HIBCH: variants seen among roughly 807,000 people sequenced by gnomAD.
The protein encoded by HIBCH is 3-hydroxyisobutyryl-CoA hydrolase, mitochondrial.
Under a neutral mutation model 58.2 loss-of-function variants are expected in HIBCH, and 50 were observed. The observed-to-expected ratio is 0.86, with a 90% CI of 0.68 to 1.09. The LOEUF (loss-of-function observed/expected upper bound fraction) is 1.09. Ranked by LOEUF, HIBCH falls within the 50% of genes least tolerant of loss-of-function variation. The pLI is 0.00. For synonymous variants in HIBCH, 151 were observed against 146.9 expected, an observed-to-expected ratio of 1.03 and a Z score of -0.20; for missense variants, 450 against 449.7, an observed-to-expected ratio of 1.00 and a Z score of -0.01.
At chr2:190,196,034 T>C (rs1689958857) in intron 1 of HIBCH, among the ~76,000 whole-genome samples, 1 of 142,118 alleles carries the variant, frequency 7.0e-6, no homozygotes, top group South Asian at 2.3e-4. Context: ...ATTTTTAAAC[T>C]AGTCTGATCA....
intron 6 of HIBCH, among the ~76,000 whole-genome samples, chr2:190,278,515 T>G (rs1687620071): frequency 6.6e-6 from 1 of 152,184 alleles, no homozygotes; most frequent in African/African-American, 2.4e-5. Context: ...AGAATCTGCT[T>G]TTTAACAAGC....
chr2:190,203,080 A>T (rs768994257), downstream of HIBCH: 12 of 167,072 alleles, frequency 7.2e-5, no homozygotes, highest in Non-Finnish European at 1.5e-4. Flanking sequence ...AGACACACTG[A>T]ATGAAGTAGC....
intron 3 of HIBCH, 80 bp downstream of exon 3, chr2:190,296,733 A>G (rs1688112009): frequency 1.6e-6 from 2 of 1,263,446 alleles, no homozygotes; most frequent in Non-Finnish European, 2.3e-6. Context: ...ATGTGATTCT[A>G]TGGGAGAAAA....
chr2:190,259,233 C>A (rs1687015394), intron 7 of HIBCH, among the ~76,000 whole-genome samples: 1 of 151,608 alleles, frequency 6.6e-6, no homozygotes, highest in South Asian at 2.1e-4. Flanking sequence ...AAATATTCTT[C>A]CAATCCATGA....
chr2:190,244,600 G>A (rs1686552722), intron 11 of HIBCH, among the ~76,000 whole-genome samples: 1 of 152,128 alleles, frequency 6.6e-6, no homozygotes. Context: ...CATAGGACAA[G>A]GAGGACTATT....
rs1476861279 is a variant in HIBCH at position 190,215,185 on chromosome 2, G to T, written c.892-2110C>A. On this transcript the variant is annotated intron_variant, in intron 11 of 13. Transcript: ENST00000359678. This position sits in a 1 kb window ranked among gnomAD's most constrained non-coding sequence, Gnocchi z 4.4. ...CCAATTTTTATACTTAGGCTGAGAT[G>T]ATGTCAATCATGAATATTGTGTTTA... 4.6e-5 allele frequency: 7 copies of T among 152,178 alleles called. No homozygotes were observed. Among genetic ancestry groups the T allele is most frequent in the African/African-American group, 1.4e-4 (6 of 41,414 alleles). The allele number at this position is 152,178 out of a possible 1,614,324, so 9.4% of individuals were successfully genotyped here. A position where few individuals can be genotyped will look rare whatever the true frequency, so the allele number is the denominator to read the frequency against.
At chr2:190,229,052 T>C (rs1488750946) in intron 11 of HIBCH, among the ~76,000 whole-genome samples, 11 of 152,078 alleles carry the variant, frequency 7.2e-5, no homozygotes, top group Admixed American at 7.2e-4. Context: ...CCTTCAAAAG[T>C]CTCCCAGAAC....
chr2:190,231,661 T>G (rs1323322272), intron 11 of HIBCH, among the ~76,000 whole-genome samples: 1 of 151,990 alleles, frequency 6.6e-6, no homozygotes, highest in East Asian at 1.9e-4. Context: ...CTGAACATTT[T>G]GCTGGCAGTG....
chr2:190,290,409 A>T lies in HIBCH; in HGVS notation c.381T>A (p.Ala127=). 1 of 1,601,280 alleles carries T rather than the reference A, an allele frequency of 6.2e-7. No homozygotes were observed. Among genetic ancestry groups the T allele is most frequent in the East Asian group, 2.2e-5 (1 of 44,774 alleles). ...FFREEYMLNN[A]VGSCQKPYVA... Reference sequence around the variant, plus strand: ...CTCTGAGCAGAATACACATACCAACAGCATTATTCAGCATATATTCTTCTC... The same window carrying T: ...CTCTGAGCAGAATACACATACCAACTGCATTATTCAGCATATATTCTTCTC... Residue 127 remains alanine, a synonymous_variant, in exon 5 of 14, where the codon GCT becomes GCA. Coordinates refer to ENST00000359678, the MANE Select transcript of HIBCH (RefSeq NM_014362.4).
At chr2:190,284,345 T>C (rs1687779957) in intron 6 of HIBCH, among the ~76,000 whole-genome samples, 1 of 152,110 alleles carries the variant, frequency 6.6e-6, no homozygotes, top group Non-Finnish European at 1.5e-5. Context: ...CCTTCAGAAA[T>C]GATGTGCTAG....
Position 190,279,064 on chromosome 2 carries a change from A to G in HIBCH, c.438+8522T>C, listed in dbSNP as rs1468799514. ...TTGGGAAAGCCAAGGTTGAAGGGCC[A>G]TATCTGTTGAGGGCCTTCTTGCTGG... is the stretch of plus-strand genomic sequence containing the variant. On this transcript the variant is annotated intron_variant, in intron 6 of 13. Transcript: ENST00000359678. The surrounding 1 kb of genome is among the most constrained non-coding windows in gnomAD (Gnocchi z 4.2). Among the ~76,000 whole-genome samples the G allele has an allele frequency of 2.0e-5, 3 of 152,210 alleles. No individual in the cohort carries two copies. Among genetic ancestry groups the G allele is most frequent in the Non-Finnish European group, 4.4e-5 (3 of 68,026 alleles).
At chr2:190,193,943 A>G (rs1689841374) in intron 1 of HIBCH, among the ~76,000 whole-genome samples, 2 of 152,068 alleles carry the variant, frequency 1.3e-5, no homozygotes, top group African/African-American at 4.8e-5. Flanking sequence ...TTTCCTTCTA[A>G]GCTCTAAAAC....
Position 190,266,091 on chromosome 2 carries a change from T to C in HIBCH, c.439-4857A>G, listed in dbSNP as rs908250162. Among the ~76,000 whole-genome samples the C allele has an allele frequency of 4.6e-5, 7 of 152,212 alleles. 1 individual carries two copies. Among genetic ancestry groups the C allele is most frequent in the Admixed American group, 2.6e-4 (4 of 15,278 alleles). ...TTCCCTATTATCTTTCCATTACAGA[T>C]TGCAACCTTAATTCCACTGGGGACA... On this transcript the variant is annotated intron_variant, in intron 6 of 13. Transcript: ENST00000359678.
chr2:190,231,397 G>GT (rs1263473413), intron 11 of HIBCH, among the ~76,000 whole-genome samples: 3 of 152,242 alleles, frequency 2.0e-5, no homozygotes, highest in African/African-American at 7.2e-5. Flanking sequence ...AAAAATTACT[G>GT]TAATTTACAT....
Position 190,275,732 on chromosome 2 carries a change from CCA to C in HIBCH, c.438+11852_438+11853del, listed in dbSNP as rs1409138029. Among the ~76,000 whole-genome samples, 7 of 152,260 alleles carry C rather than the reference CCA, an allele frequency of 4.6e-5. No individual in the cohort carries two copies. In the East Asian group the frequency reaches 5.8e-4, roughly 13 times the overall value. On this transcript the variant is annotated intron_variant, in intron 6 of 13. Transcript: ENST00000359678. ...AGGCATGAGACAATGTTCAAGATGC[CCA>C]CAGTGGCAGACCATCCACATCAATT...
At chr2:190,247,772 T>C (rs779883627) in intron 9 of HIBCH, among the ~76,000 whole-genome samples, 13 of 152,196 alleles carry the variant, frequency 8.5e-5, no homozygotes, top group Admixed American at 5.2e-4. Context: ...CATCAACATC[T>C]AGGCAAGGCC....
Position 190,267,156 on chromosome 2 carries a change from G to A in HIBCH, c.439-5922C>T, listed in dbSNP as rs1030656454. Among the ~76,000 whole-genome samples, 7 of 152,092 alleles carry A rather than the reference G, an allele frequency of 4.6e-5. No individual in the cohort carries two copies. The East Asian group carries it at 1.2e-3, about 25-fold the overall frequency. On this transcript the variant is annotated intron_variant, in intron 6 of 13. Coordinates refer to ENST00000359678, the MANE Select transcript of HIBCH (RefSeq NM_014362.4). ...GTTCTAGGTGAAGCTGGGGTGATGG[G>A]GAGAGTGAGGTGAAGACAACATCTA...
intron 9 of HIBCH, among the ~76,000 whole-genome samples, chr2:190,246,498 T>C (rs1686612815): frequency 6.6e-6 from 1 of 152,228 alleles, no homozygotes; most frequent in South Asian, 2.1e-4. Flanking sequence ...CATTAAAATA[T>C]ATCTGTGAAT....
At chr2:190,260,951 A>C (rs955798214) in intron 7 of HIBCH, among the ~76,000 whole-genome samples, 2 of 152,114 alleles carry the variant, frequency 1.3e-5, no homozygotes, top group African/African-American at 4.8e-5. Flanking sequence ...GTCTCCTTTA[A>C]TGTTCTCAGT....
Sources: gnomAD v4.1 joint callset for allele counts (sites outside exome capture counted in the v4.1 genomes callset) on GRCh38, gnomAD v4.1.1 for gene constraint, Gnocchi (gnomAD v3.1) non-coding constraint, MANE v1.5 for transcripts, NCBI Gene and HGNC (gene_info 2026-07-23, HGNC 2026-07-21) for gene names.